The following PPP4R2 variants were observed in gnomAD, a reference collection of about 807,000 sequenced individuals.
The protein encoded by PPP4R2 is protein phosphatase 4 regulatory subunit 2.
A neutral mutation model predicts 47.2 loss-of-function variants in PPP4R2; 13 were observed. That is an observed-to-expected ratio of 0.28 (90% CI 0.18 to 0.44). PPP4R2 has a LOEUF of 0.44. Among genes scored for constraint, PPP4R2 ranks in the 20% least tolerant of loss-of-function variants. The pLI, the probability that PPP4R2 is intolerant of heterozygous loss-of-function variation, is 1.00. For synonymous variants in PPP4R2, 151 were observed against 163.3 expected, an observed-to-expected ratio of 0.92 and a Z score of 0.57; for missense variants, 421 against 491.2, an observed-to-expected ratio of 0.86 and a Z score of 1.35.
At chr3:73,007,999 C>A (rs6798773) in intron 2 of PPP4R2, among the ~76,000 whole-genome samples, 56,208 of 148,154 alleles carry the variant, frequency 0.38, 11,216 homozygotes, top group African/African-American at 0.43. Flanking sequence ...AGTGGAAAGA[C>A]TATTACAGAT....
Position 73,066,061 on chromosome 3 carries a change from C to G in PPP4R2, c.*339C>G, listed in dbSNP as rs1702989088. 1 of 157,284 alleles carries G rather than the reference C, an allele frequency of 6.4e-6. No homozygotes were observed. The highest frequency in any genetic ancestry group is 1.4e-5 in the Non-Finnish European group (1 of 72,688). The allele number at this position is 157,284 out of a possible 1,614,324, so 9.7% of individuals were successfully genotyped here. A position where few individuals can be genotyped will look rare whatever the true frequency, so the allele number is the denominator to read the frequency against. ...TTTGAAAAGTTTTTTGAGATTATCACATTTAGTTTATACATATGCAAGAAG... is the reference window on the plus strand; with the variant it reads ...TTTGAAAAGTTTTTTGAGATTATCAGATTTAGTTTATACATATGCAAGAAG... On this transcript the variant is annotated 3_prime_UTR_variant, in exon 9 of 9. Transcript: ENST00000356692.
chr3:73,051,783 G>A (rs1575880021), intron 3 of PPP4R2, among the ~76,000 whole-genome samples: 1 of 152,020 alleles, frequency 6.6e-6, no homozygotes. Flanking sequence ...CCGCCACCAC[G>A]CCCGGCTAAT....
chr3:73,031,988 A>G (rs1197266938), intron 2 of PPP4R2, among the ~76,000 whole-genome samples: 3 of 152,244 alleles, frequency 2.0e-5, no homozygotes, highest in East Asian at 3.8e-4. Flanking sequence ...GATGGGGGAA[A>G]CAGAGAGGCT....
intron 2 of PPP4R2, among the ~76,000 whole-genome samples, chr3:73,011,464 G>T: frequency 6.6e-6 from 1 of 151,782 alleles, no homozygotes. Flanking sequence ...TTGGGCGAAA[G>T]GGTGAGACAG....
Position 73,063,738 on chromosome 3 carries a change from A to G in PPP4R2, c.485A>G (p.Tyr162Cys), listed in dbSNP as rs925321920. 1.6e-5 allele frequency: 25 copies of G among 1,576,616 alleles called. No individual in the cohort carries two copies. Among genetic ancestry groups the G allele is most frequent in the Non-Finnish European group, 2.2e-5 (25 of 1,147,542 alleles). Residue 162 changes from tyrosine to cysteine, a missense_variant, in exon 6 of 9, where the codon TAT becomes TGT. Tyr to Cys is a radical substitution (Grantham distance 194). Coordinates refer to ENST00000356692, the MANE Select transcript of PPP4R2 (RefSeq NM_174907.4). ...GVMFPGNSPSYTERSNINGPG... is the reference protein window; with the variant it reads ...GVMFPGNSPSCTERSNINGPG... Reference sequence around the variant, plus strand: ...ATGTTTCCTGGAAATTCACCAAGCTATACTGAGAGGTGAGATTCTAGATTT... The same window carrying G: ...ATGTTTCCTGGAAATTCACCAAGCTGTACTGAGAGGTGAGATTCTAGATTT...
intron 2 of PPP4R2, among the ~76,000 whole-genome samples, chr3:72,998,607 T>C (rs1701399176): frequency 6.6e-6 from 1 of 152,220 alleles, no homozygotes; most frequent in Non-Finnish European, 1.5e-5. Flanking sequence ...GTTTAAAGTG[T>C]CACTTCTATT....
Position 73,066,459 on chromosome 3 carries a change from C to T in PPP4R2, c.*737C>T, listed in dbSNP as rs1158742517. On this transcript the variant is annotated 3_prime_UTR_variant, in exon 9 of 9. Coordinates refer to ENST00000356692, the MANE Select transcript of PPP4R2 (RefSeq NM_174907.4). The stretch of plus-strand genomic sequence containing the variant: ...TTGAAATACCAGGTTAAACACATTC[C>T]AAGAGATCTGTTCAAACTCAAATTC... 1.3e-5 allele frequency: 2 copies of T among 151,956 alleles called. No homozygotes were observed. The highest frequency in any genetic ancestry group is 3.4e-3 in the Middle Eastern group (1 of 294). The allele number at this position is 151,956 out of a possible 1,614,324, so 9.4% of individuals were successfully genotyped here. A position where few individuals can be genotyped will look rare whatever the true frequency, so the allele number is the denominator to read the frequency against.
chr3:73,057,902 C>T (rs1702758044), intron 3 of PPP4R2, among the ~76,000 whole-genome samples: 1 of 152,000 alleles, frequency 6.6e-6, no homozygotes, highest in Admixed American at 6.6e-5. Flanking sequence ...AAATGAAGAC[C>T]TTTGTGAATG....
At chr3:73,039,828 A>G (rs6799757) in intron 2 of PPP4R2, among the ~76,000 whole-genome samples, 80,208 of 151,912 alleles carry the variant, frequency 0.53, 21,533 homozygotes, top group African/African-American at 0.62. Context: ...CAAGGCGGCG[A>G]ATCACCTGAA....
intron 2 of PPP4R2, among the ~76,000 whole-genome samples, chr3:73,034,469 A>G (rs2107283371): frequency 6.6e-6 from 1 of 152,338 alleles, no homozygotes; most frequent in South Asian, 2.1e-4. Context: ...TCCTAGCTCC[A>G]TTTGATAACT....
At chr3:73,045,215 C>G (rs1702457434) in intron 2 of PPP4R2, among the ~76,000 whole-genome samples, 1 of 152,154 alleles carries the variant, frequency 6.6e-6, no homozygotes, top group Admixed American at 6.5e-5. Context: ...TTTGCCCAGG[C>G]TGGCTTCCAA....
intron 2 of PPP4R2, among the ~76,000 whole-genome samples, chr3:72,999,340 A>G (rs1418960346): frequency 6.6e-6 from 1 of 152,258 alleles, no homozygotes; most frequent in Non-Finnish European, 1.5e-5. Flanking sequence ...TTGTGCTTAT[A>G]TAGATAAGCC....
chr3:73,029,816 A>G (rs528419293), intron 2 of PPP4R2, among the ~76,000 whole-genome samples: 53 of 152,342 alleles, frequency 3.5e-4, no homozygotes, highest in Admixed American at 1.1e-3. Context: ...AGGAAAATGA[A>G]CAAGAAAGAT....
intron 2 of PPP4R2, among the ~76,000 whole-genome samples, chr3:73,021,859 T>G (rs1200450949): frequency 7.2e-6 from 1 of 138,058 alleles, no homozygotes; most frequent in Non-Finnish European, 1.6e-5. Flanking sequence ...TGTGTGTGTG[T>G]GTGTGTGTGT....
At chr3:73,014,170 T>TA (rs945833104) in intron 2 of PPP4R2, among the ~76,000 whole-genome samples, 1 of 131,108 alleles carries the variant, frequency 7.6e-6, no homozygotes, top group Admixed American at 7.5e-5. Flanking sequence ...GTTTGACAGA[T>TA]ACTGCCAGCT....
chr3:73,013,525 TA>T (rs1170358165), intron 2 of PPP4R2, among the ~76,000 whole-genome samples: 1 of 152,274 alleles, frequency 6.6e-6, no homozygotes, highest in Non-Finnish European at 1.5e-5. Flanking sequence ...CTATTTCTTG[TA>T]TATTCTTAAC....
Position 73,047,172 on chromosome 3 carries a change from T to A in PPP4R2, c.117-14T>A. 6.1e-6 allele frequency: 9 copies of A among 1,477,706 alleles called. No homozygotes were observed. The highest frequency in any genetic ancestry group is 8.2e-6 in the Non-Finnish European group (9 of 1,096,200). The allele number at this position is 1,477,706 out of a possible 1,614,324, so 91.5% of individuals were successfully genotyped here. On this transcript the variant is annotated splice_polypyrimidine_tract_variant and intron_variant, in intron 2 of 8. Coordinates refer to ENST00000356692, the MANE Select transcript of PPP4R2 (RefSeq NM_174907.4). ...CTACATGGTATTATATATTTTTTAATTTTTTGCTTATAGGATTCAGTGGTC... is the reference window on the plus strand; with the variant it reads ...CTACATGGTATTATATATTTTTTAAATTTTTGCTTATAGGATTCAGTGGTC...
At chr3:73,005,314 T>C (rs1285662279) in intron 2 of PPP4R2, among the ~76,000 whole-genome samples, 1 of 149,090 alleles carries the variant, frequency 6.7e-6, no homozygotes, top group Non-Finnish European at 1.5e-5. Flanking sequence ...TTGGAGTCAT[T>C]GTACTCAGGT....
intron 2 of PPP4R2, among the ~76,000 whole-genome samples, chr3:73,001,014 T>C (rs1701447280): frequency 6.6e-6 from 1 of 152,182 alleles, no homozygotes; most frequent in Admixed American, 6.5e-5. Flanking sequence ...GACGTGACCT[T>C]AGTAGTTTTT....
Sources: gnomAD v4.1 joint callset for allele counts (sites outside exome capture counted in the v4.1 genomes callset) on GRCh38, gnomAD v4.1.1 for gene constraint, MANE v1.5 for transcripts, NCBI Gene and HGNC (gene_info 2026-07-23, HGNC 2026-07-21) for gene names.